Variants in RORA observed in about 807,000 individuals in gnomAD.
The protein encoded by RORA is nuclear receptor ROR-alpha.
In RORA, 7 loss-of-function variants were observed where a neutral mutation model predicts 69.5. The observed-to-expected ratio is 0.10, with a 90% confidence interval of 0.06 to 0.19. The LOEUF (loss-of-function observed/expected upper bound fraction) is 0.19. Ranked by LOEUF, RORA falls within the 10% of genes least tolerant of loss-of-function variation. The pLI is 1.00. For synonymous variants in RORA, 261 were observed against 240.8 expected, an observed-to-expected ratio of 1.08 and a Z score of -0.78; for missense variants, 457 against 663.0, an observed-to-expected ratio of 0.69 and a Z score of 3.41.
At chr15:60,815,359 C>A (rs1357468112) in intron 1 of RORA, among the ~76,000 whole-genome samples, 1 of 152,074 alleles carries the variant, frequency 6.6e-6, no homozygotes, top group African/African-American at 2.4e-5. Flanking sequence ...GGAGCATTGC[C>A]TGGTGATTAT....
intron 1 of RORA, among the ~76,000 whole-genome samples, chr15:61,020,886 T>C (rs1895489101): frequency 6.6e-6 from 1 of 152,260 alleles, no homozygotes; most frequent in African/African-American, 2.4e-5. Context: ...AATTAGGCTA[T>C]TTATTGCTGC....
chr15:60,496,070 A>G lies in RORA; in HGVS notation c.*1385T>C, dbSNP rs1333495590. ...TATTTAAATAAGAGAAACTGGTTCA[A>G]CATTGTATGCTTCCCTCACCCTCCT... On this transcript the variant is annotated 3_prime_UTR_variant, in exon 11 of 11. Transcript: ENST00000335670. This position sits in a 1 kb window ranked among gnomAD's most constrained non-coding sequence, Gnocchi z 4.5. 2.0e-5 allele frequency: 3 copies of G among 152,180 alleles called. No homozygotes were observed. The highest frequency in any genetic ancestry group is 4.4e-5 in the Non-Finnish European group (3 of 68,040). 9.4% of individuals were successfully genotyped at this position (152,180 alleles called of 1,614,324 possible). A position where few individuals can be genotyped will look rare whatever the true frequency, so the allele number is the denominator to read the frequency against.
intron 1 of RORA, among the ~76,000 whole-genome samples, chr15:60,898,197 G>T (rs1326107432): frequency 6.6e-6 from 1 of 152,204 alleles, no homozygotes; most frequent in Non-Finnish European, 1.5e-5. Flanking sequence ...CTGCATATCA[G>T]TAAATGACAG....
chr15:61,181,190 T>C (rs1174333954), intron 1 of RORA: 1 of 151,784 alleles, frequency 6.6e-6, no homozygotes, highest in Non-Finnish European at 1.5e-5. Context: ...TAAGGAATAC[T>C]AAGACAATAG....
At chr15:60,619,905 G>A (rs762501882) in intron 2 of RORA, among the ~76,000 whole-genome samples, 1 of 152,244 alleles carries the variant, frequency 6.6e-6, no homozygotes, top group Non-Finnish European at 1.5e-5. Context: ...ACAGACAGCC[G>A]TAGTTCACTA....
At chr15:61,090,943 A>T (rs2078696914) in intron 1 of RORA, among the ~76,000 whole-genome samples, 1 of 152,060 alleles carries the variant, frequency 6.6e-6, no homozygotes, top group African/African-American at 2.4e-5. Flanking sequence ...AAACCTCATG[A>T]TCTCACTCTG....
chr15:60,853,237 C>T (rs1230987601), intron 1 of RORA, among the ~76,000 whole-genome samples: 6 of 152,202 alleles, frequency 3.9e-5, no homozygotes, highest in African/African-American at 9.6e-5. Context: ...CACTGTGCCA[C>T]AGCCTTGGCC....
chr15:60,590,893 G>C (rs1204579982), intron 2 of RORA, among the ~76,000 whole-genome samples: 1 of 152,134 alleles, frequency 6.6e-6, no homozygotes, highest in Non-Finnish European at 1.5e-5. Flanking sequence ...GAGAAAATTT[G>C]CTGTGGGCAC....
chr15:61,104,512 C>T (rs893184876), intron 1 of RORA, among the ~76,000 whole-genome samples: 1 of 152,156 alleles, frequency 6.6e-6, no homozygotes, highest in African/African-American at 2.4e-5. Context: ...GCTCACTCCC[C>T]GCTGCCACTT....
chr15:61,113,025 A>G (rs2079021048), intron 1 of RORA, among the ~76,000 whole-genome samples: 1 of 152,216 alleles, frequency 6.6e-6, no homozygotes, highest in Non-Finnish European at 1.5e-5. Context: ...AACAGAAAGC[A>G]TTGGCTTGCC....
intron 1 of RORA, among the ~76,000 whole-genome samples, chr15:60,782,808 G>C (rs751873071): frequency 1.3e-5 from 2 of 152,192 alleles, no homozygotes; most frequent in Non-Finnish European, 2.9e-5. Flanking sequence ...TAACATTTCA[G>C]TTTTCGGAAA....
At chr15:61,113,281 C>T (rs570077028) in intron 1 of RORA, among the ~76,000 whole-genome samples, 42 of 152,316 alleles carry the variant, frequency 2.8e-4, no homozygotes, top group African/African-American at 9.4e-4. Context: ...AAAGATGTTT[C>T]GAACTCAGGA....
intron 1 of RORA, among the ~76,000 whole-genome samples, chr15:60,987,161 A>G (rs1438876516): frequency 6.6e-6 from 1 of 152,190 alleles, no homozygotes; most frequent in Non-Finnish European, 1.5e-5. Context: ...AACAGATTTC[A>G]GGACTAAAGA....
At chr15:61,167,144 T>C (rs2079545198) in intron 1 of RORA, among the ~76,000 whole-genome samples, 1 of 152,220 alleles carries the variant, frequency 6.6e-6, no homozygotes, top group Non-Finnish European at 1.5e-5. Flanking sequence ...TGGAATCAGC[T>C]GAAACGAGAG....
intron 1 of RORA, among the ~76,000 whole-genome samples, chr15:61,069,369 CAG>C (rs1487904056): frequency 2.6e-5 from 4 of 152,232 alleles, no homozygotes; most frequent in African/African-American, 9.6e-5. Flanking sequence ...ATCTAATAAA[CAG>C]GGAGCTATGC....
At chr15:61,229,002 C>A in intron 1 of RORA, 51 bp downstream of exon 1, 2 of 1,117,814 alleles carry the variant, frequency 1.8e-6, no homozygotes, top group South Asian at 3.2e-5. Context: ...GCCCCCCGCT[C>A]CGCGCCCGGG....
In RORA at chr15:60,899,129, T is replaced by C. The variant is rs150824294; in HGVS notation, c.167-220443A>G. ...ATGCAACAGAAACCACGTCTTATCC[T>C]TGACAGGGCAGCCAATAGGTAATCA... is the stretch of plus-strand genomic sequence containing the variant. On this transcript the variant is annotated intron_variant, in intron 1 of 10. Coordinates refer to ENST00000335670, the MANE Select transcript of RORA (RefSeq NM_134261.3). Among the ~76,000 whole-genome samples the C allele has an allele frequency of 1.9e-4, 29 of 152,368 alleles. No individual in the cohort carries two copies. In the East Asian group the frequency reaches 4.4e-3, roughly 23 times the overall value.
chr15:60,994,178 T>C (rs961198465), intron 1 of RORA, among the ~76,000 whole-genome samples: 1 of 152,204 alleles, frequency 6.6e-6, no homozygotes, highest in Admixed American at 6.5e-5. Context: ...ATCTAAGCTG[T>C]GTGGCATTTA....
chr15:61,088,623 C>A (rs1479226465), intron 1 of RORA, among the ~76,000 whole-genome samples: 2 of 152,072 alleles, frequency 1.3e-5, no homozygotes, highest in Non-Finnish European at 2.9e-5. Context: ...AACCTCATGT[C>A]CTCATCAGTA....
Sources: allele counts gnomAD v4.1 joint callset (sites outside exome capture counted in the v4.1 genomes callset), GRCh38; gene constraint gnomAD v4.1.1; non-coding constraint Gnocchi (gnomAD v3.1); transcripts MANE v1.5; gene names NCBI Gene and HGNC (gene_info 2026-07-23, HGNC 2026-07-21).